Variants in TJP1 observed in about 807,000 individuals in gnomAD.
TJP1 encodes tight junction protein 1, also known as tight junction protein ZO-1.
TJP1 carries 43 observed loss-of-function variants against 194.2 expected under a neutral mutation model. The observed-to-expected ratio is 0.22, with a 90% confidence interval of 0.17 to 0.29. The LOEUF is 0.29. Among genes scored for constraint, TJP1 ranks in the 10% least tolerant of loss-of-function variants. TJP1 has a pLI of 1.00. For synonymous variants in TJP1, 801 were observed against 779.0 expected, an observed-to-expected ratio of 1.03 and a Z score of -0.47; for missense variants, 1,971 against 2,185.7, an observed-to-expected ratio of 0.90 and a Z score of 1.96.
intron 4 of TJP1, among the ~76,000 whole-genome samples, chr15:29,768,912 T>TAA (rs1469673558): frequency 1.3e-5 from 2 of 152,198 alleles, no homozygotes; most frequent in African/African-American, 4.8e-5. Flanking sequence ...TGATGCCATG[T>TAA]AAGTACTAGA....
chr15:29,951,089 G>A (rs2055733132), intron 2 of TJP1, among the ~76,000 whole-genome samples: 1 of 152,176 alleles, frequency 6.6e-6, no homozygotes, highest in Admixed American at 6.5e-5. Context: ...GGGGTTGAGG[G>A]AGGAGGAGAA....
At chr15:29,710,763 C>G in intron 24 of TJP1, 68 bp downstream of exon 24, 1 of 1,599,222 alleles carries the variant, frequency 6.3e-7, no homozygotes, top group East Asian at 2.2e-5. Context: ...ACCATTTTGC[C>G]TAGAAACCAC....
At chr15:29,950,088 T>TCAC (rs1314160669) in intron 2 of TJP1, among the ~76,000 whole-genome samples, 2 of 1,746 alleles carry the variant, frequency 1.1e-3, no homozygotes. Context: ...ACCACCATCT[T>TCAC]CACCACCACC....
At chr15:29,778,496 C>T (rs1012687665) in intron 2 of TJP1, among the ~76,000 whole-genome samples, 2 of 152,058 alleles carry the variant, frequency 1.3e-5, no homozygotes, top group Non-Finnish European at 2.9e-5. Context: ...CTTATTTGGC[C>T]CTTTCAACAG....
intron 1 of TJP1, among the ~76,000 whole-genome samples, chr15:29,810,589 A>T (rs2151944388): frequency 6.6e-6 from 1 of 152,214 alleles, no homozygotes; most frequent in East Asian, 1.9e-4. Flanking sequence ...GTGAGTTAAC[A>T]GCATTGAAAA....
intron 8 of TJP1, among the ~76,000 whole-genome samples, chr15:29,756,341 T>A (rs944287032): frequency 6.6e-6 from 1 of 152,222 alleles, no homozygotes; most frequent in Non-Finnish European, 1.5e-5. Flanking sequence ...ATTTTCCCTA[T>A]GTATATGTAT....
At chr15:29,919,778 C>A (rs2054297584) in intron 2 of TJP1, among the ~76,000 whole-genome samples, 1 of 152,170 alleles carries the variant, frequency 6.6e-6, no homozygotes, top group Admixed American at 6.5e-5. Flanking sequence ...TTGCTCCCAG[C>A]CTGTTCATTT....
intron 18 of TJP1, among the ~76,000 whole-genome samples, chr15:29,723,282 G>A (rs901147626): frequency 6.6e-6 from 1 of 152,164 alleles, no homozygotes; most frequent in African/African-American, 2.4e-5. Flanking sequence ...GGCCTGGTAG[G>A]AGGTGATCAC....
chr15:29,809,521 C>T (rs1002397923), intron 1 of TJP1, among the ~76,000 whole-genome samples: 1 of 152,154 alleles, frequency 6.6e-6, no homozygotes, highest in African/African-American at 2.4e-5. Flanking sequence ...AGGACCTCAT[C>T]AAGGAAAGTT....
At chr15:29,807,564 A>T (rs1463434939) in intron 1 of TJP1, among the ~76,000 whole-genome samples, 1 of 152,200 alleles carries the variant, frequency 6.6e-6, no homozygotes, top group Non-Finnish European at 1.5e-5. Context: ...ATCTTTTTGC[A>T]TAACTCTCTT....
At chr15:29,719,563 A>G (rs562335021) in intron 20 of TJP1, among the ~76,000 whole-genome samples, 1 of 151,980 alleles carries the variant, frequency 6.6e-6, no homozygotes, top group Non-Finnish European at 1.5e-5. Context: ...AATAAGCACA[A>G]ATCTCAATTA....
In TJP1 at chr15:29,726,993, TAGAAAC is replaced by T; in HGVS notation, c.2101-8_2101-3del. The T allele has an allele frequency of 6.2e-7, 1 of 1,612,028 alleles. No homozygotes were observed. The highest frequency in any genetic ancestry group is 1.1e-5 in the South Asian group (1 of 90,806). On this transcript the variant is annotated splice_polypyrimidine_tract_variant and splice_region_variant and intron_variant, in intron 16 of 27. Transcript: ENST00000614355. ...TACATCTAATAAAGCATGTTTGTCC[TAGAAAC>T]AGAAAGAAAAATATATACAAAGACA... is the stretch of plus-strand genomic sequence containing the variant.
At chr15:29,840,076 C>T (rs1327340793) in intron 2 of TJP1, among the ~76,000 whole-genome samples, 1 of 152,178 alleles carries the variant, frequency 6.6e-6, no homozygotes, top group African/African-American at 2.4e-5. Context: ...GTCTTTTGTC[C>T]AGTTTCTAAT....
intron 2 of TJP1, among the ~76,000 whole-genome samples, chr15:29,867,687 G>A (rs1032983288): frequency 3.9e-5 from 6 of 152,160 alleles, no homozygotes; most frequent in Non-Finnish European, 7.4e-5. Flanking sequence ...GGAGGACATG[G>A]CAAGAGGGTA....
chr15:29,739,025 C>CA (rs2044221894), intron 10 of TJP1, among the ~76,000 whole-genome samples: 1 of 152,034 alleles, frequency 6.6e-6, no homozygotes, highest in African/African-American at 2.4e-5. Flanking sequence ...GCCTGGGTGA[C>CA]AGAGTGAGGC....
At chr15:29,830,396 G>A (rs540898239) in intron 2 of TJP1, among the ~76,000 whole-genome samples, 10 of 149,686 alleles carry the variant, frequency 6.7e-5, no homozygotes, top group East Asian at 5.8e-4. Context: ...TACATTTTAC[G>A]TCTATTAGCA....
At chr15:29,774,831 T>C (rs2046916311) in intron 2 of TJP1, among the ~76,000 whole-genome samples, 1 of 151,850 alleles carries the variant, frequency 6.6e-6, no homozygotes, top group Admixed American at 6.6e-5. Context: ...TAACTGAAGA[T>C]AATGGCAACC....
intron 2 of TJP1, among the ~76,000 whole-genome samples, chr15:29,955,710 C>T (rs1338891241): frequency 1.5e-5 from 2 of 136,314 alleles, no homozygotes; most frequent in African/African-American, 5.6e-5. Context: ...ATGATTGCAC[C>T]ACTGCACTCC....
chr15:29,745,098 C>T (rs930027018), intron 8 of TJP1, among the ~76,000 whole-genome samples: 20 of 151,810 alleles, frequency 1.3e-4, no homozygotes, highest in African/African-American at 4.6e-4. Flanking sequence ...TAAACAAAAA[C>T]TGAAATAAGC....
Sources: gnomAD v4.1 joint callset for allele counts (sites outside exome capture counted in the v4.1 genomes callset) on GRCh38, gnomAD v4.1.1 for gene constraint, MANE v1.5 for transcripts, NCBI Gene and HGNC (gene_info 2026-07-23, HGNC 2026-07-21) for gene names.